SMG6: variants seen among roughly 807,000 people sequenced by gnomAD.
SMG6 encodes telomerase-binding protein EST1A.
A neutral mutation model predicts 142.2 loss-of-function variants in SMG6; 66 were observed. The observed-to-expected ratio is 0.46, with a 90% CI of 0.38 to 0.57. The LOEUF (loss-of-function observed/expected upper bound fraction) is 0.57, where lower values mean the gene tolerates loss of function less well. Ranked by LOEUF, SMG6 falls within the 20% of genes least tolerant of loss-of-function variation. The probability of loss-of-function intolerance (pLI) is 0.00; values close to 1 mark genes in which losing one functional copy is unlikely to be tolerated. For missense variants in SMG6, 1,793 were observed against 1,832.0 expected, an observed-to-expected ratio of 0.98 and a Z score of 0.39; for synonymous variants, 779 against 702.4, an observed-to-expected ratio of 1.11 and a Z score of -1.72.
Position 2,230,220 on chromosome 17 carries a change from AAG to A in SMG6, c.2869+6270_2869+6271del, listed in dbSNP as rs1567701317. ...AAAAAAAAAAAAAAAAAAAAAAAAA[AAG>A]GAAAAGAAAGGAAAAGAAAAGTGTC... is the stretch of plus-strand genomic sequence containing the variant. On this transcript the variant is annotated intron_variant, in intron 10 of 18. Transcript: ENST00000263073. Among the ~76,000 whole-genome samples the A allele has an allele frequency of 3.3e-3, 153 of 46,358 alleles. 42 individuals are homozygous for A. Among genetic ancestry groups the A allele is most frequent in the Non-Finnish European group, 4.5e-3 (105 of 23,358 alleles). 30.4% of individuals were successfully genotyped at this position (46,358 alleles called of 152,430 possible).
chr17:2,100,416 G>T (rs2068974047), intron 13 of SMG6, among the ~76,000 whole-genome samples: 2 of 152,082 alleles, frequency 1.3e-5, no homozygotes, highest in Non-Finnish European at 2.9e-5. Flanking sequence ...CAAGTGATCT[G>T]CCCTCCTTCA....
chr17:2,303,774 G>T lies in SMG6; in HGVS notation c.-54C>A. ...GCTCCGCCACCGCCGCGCGCAGCCA[G>T]GAAACCACCACAGACGGGCGGCGCG... is the stretch of plus-strand genomic sequence containing the variant. On this transcript the variant is annotated 5_prime_UTR_variant, in exon 1 of 19. It adds an upstream start codon to the 5' untranslated region. Coordinates refer to ENST00000263073, the MANE Select transcript of SMG6 (RefSeq NM_017575.5). The T allele has an allele frequency of 7.0e-7, 1 of 1,435,406 alleles. No homozygotes were observed. Among genetic ancestry groups the T allele is most frequent in the Non-Finnish European group, 9.2e-7 (1 of 1,081,478 alleles). 88.9% of individuals were successfully genotyped at this position (1,435,406 alleles called of 1,614,324 possible).
intron 13 of SMG6, among the ~76,000 whole-genome samples, chr17:2,097,420 G>A (rs2068885922): frequency 6.6e-6 from 1 of 152,142 alleles, no homozygotes; most frequent in African/African-American, 2.4e-5. Flanking sequence ...ATAGGCATGA[G>A]TCACCACGTC....
At chr17:2,231,065 G>A (rs1430169055) in intron 10 of SMG6, among the ~76,000 whole-genome samples, 1 of 152,152 alleles carries the variant, frequency 6.6e-6, no homozygotes, top group African/African-American at 2.4e-5. Context: ...TGGATTTCCT[G>A]TACAACTGTT....
rs551733924 is a variant in SMG6 at position 2,278,243 on chromosome 17, C to T, written c.2661+4404G>A. Among the ~76,000 whole-genome samples, 114 of 151,664 alleles carry T rather than the reference C, an allele frequency of 7.5e-4. 1 individual carries two copies. The highest frequency in any genetic ancestry group is 2.6e-3 in the African/African-American group (107 of 41,308). The stretch of plus-strand genomic sequence containing the variant: ...TTTGAGACAAAGTCTCCCTCTGTCG[C>T]CCAGGCTGGAGTGCAATGGTGCAAT... On this transcript the variant is annotated intron_variant, in intron 8 of 18. Coordinates refer to ENST00000263073, the MANE Select transcript of SMG6 (RefSeq NM_017575.5).
intron 13 of SMG6, among the ~76,000 whole-genome samples, chr17:2,126,546 G>A (rs1165907460): frequency 6.6e-6 from 1 of 151,902 alleles, no homozygotes. Flanking sequence ...CCAACATGGT[G>A]AAACCCCATC....
chr17:2,274,336 G>C (rs2074602611), intron 8 of SMG6, among the ~76,000 whole-genome samples: 1 of 152,164 alleles, frequency 6.6e-6, no homozygotes, highest in African/African-American at 2.4e-5. Context: ...GTAAACTTTA[G>C]TCTACTTAAG....
chr17:2,091,854 G>T (rs367878783), intron 13 of SMG6, among the ~76,000 whole-genome samples: 15 of 116,688 alleles, frequency 1.3e-4, no homozygotes, highest in Admixed American at 8.3e-4. Context: ...GTGTGTGTGT[G>T]TTTTTTTTTA....
At chr17:2,293,073 G>T (rs560700909) in intron 4 of SMG6, 96 bp from the exon 5 acceptor site, 52 of 860,814 alleles carry the variant, frequency 6.0e-5, no homozygotes, top group Non-Finnish European at 8.1e-5. Context: ...TGTAGCACTC[G>T]TAAGGCACTA....
At chr17:2,248,645 T>C (rs1278732917) in intron 8 of SMG6, among the ~76,000 whole-genome samples, 2 of 152,138 alleles carry the variant, frequency 1.3e-5, no homozygotes, top group Non-Finnish European at 2.9e-5. Context: ...ATACACACAC[T>C]CTCCCTAACC....
At chr17:2,284,444 AAAG>A (rs1177213172) in intron 6 of SMG6, among the ~76,000 whole-genome samples, 1 of 152,224 alleles carries the variant, frequency 6.6e-6, no homozygotes, top group African/African-American at 2.4e-5. Context: ...TTAATAGGGA[AAAG>A]AAGAAGTAAA....
At chr17:2,128,882 A>G (rs1220796449) in intron 13 of SMG6, among the ~76,000 whole-genome samples, 3 of 151,854 alleles carry the variant, frequency 2.0e-5, no homozygotes, top group Admixed American at 6.6e-5. Flanking sequence ...AAAGACAGAA[A>G]AAGAAAGAAA....
chr17:2,235,385 C>T (rs1262572220), intron 10 of SMG6, among the ~76,000 whole-genome samples: 5 of 152,132 alleles, frequency 3.3e-5, no homozygotes, highest in African/African-American at 4.8e-5. Flanking sequence ...CAGAAAGATC[C>T]GCATTTCCAT....
intron 8 of SMG6, among the ~76,000 whole-genome samples, chr17:2,249,107 A>G (rs981515409): frequency 6.6e-6 from 1 of 150,948 alleles, no homozygotes; most frequent in Admixed American, 6.6e-5. Context: ...GTTAGCCAGG[A>G]TGGTCTCAAT....
intron 10 of SMG6, among the ~76,000 whole-genome samples, chr17:2,219,682 G>C (rs2151764496): frequency 6.6e-6 from 1 of 151,980 alleles, no homozygotes; most frequent in African/African-American, 2.4e-5. Flanking sequence ...CCATCTACCT[G>C]GGAGGCTGAG....
In SMG6 at chr17:2,155,777, G is replaced by A. The variant is rs181910219; in HGVS notation, c.3357+16881C>T. ...TGTAAGCATATGCACACATACAAAT[G>A]CAGAGAAAAGGTCTTTTCATTTAAA... On this transcript the variant is annotated intron_variant, in intron 13 of 18. Transcript: ENST00000263073. Among the ~76,000 whole-genome samples, 82 of 152,324 alleles carry A rather than the reference G, an allele frequency of 5.4e-4. 1 individual carries two copies. Among genetic ancestry groups the A allele is most frequent in the Middle Eastern group, 6.8e-3 (2 of 294 alleles).
At chr17:2,199,111 A>G (rs564641275) in intron 10 of SMG6, among the ~76,000 whole-genome samples, 1 of 152,320 alleles carries the variant, frequency 6.6e-6, no homozygotes, top group South Asian at 2.1e-4. Context: ...GAGAAAGTGA[A>G]GAAAGATGAC....
rs758075530 is a variant in SMG6, at chr17:2,068,955, A to T, written c.3682-24T>A. 3.1e-6 allele frequency: 5 copies of T among 1,610,522 alleles called. No individual in the cohort carries two copies. The highest frequency in any genetic ancestry group is 4.2e-6 in the Non-Finnish European group (5 of 1,177,398). On this transcript the variant is annotated intron_variant, in intron 15 of 18. Transcript: ENST00000263073. The surrounding 1 kb of genome is among the most constrained non-coding windows in gnomAD (Gnocchi z 6.7). ...GCCTATGGGGACAGAGTGGTGAATGAGCCAGACAGCGAGCAGGCAAGCAGG... is the reference window on the plus strand; with the variant it reads ...GCCTATGGGGACAGAGTGGTGAATGTGCCAGACAGCGAGCAGGCAAGCAGG...
chr17:2,204,487 C>T (rs114453075), intron 10 of SMG6, among the ~76,000 whole-genome samples: 148 of 152,274 alleles, frequency 9.7e-4, no homozygotes, highest in African/African-American at 3.4e-3. Flanking sequence ...TGACTTCATC[C>T]AACCCCACCC....
Sources: allele counts gnomAD v4.1 joint callset (sites outside exome capture counted in the v4.1 genomes callset), GRCh38; gene constraint gnomAD v4.1.1; non-coding constraint Gnocchi (gnomAD v3.1); transcripts MANE v1.5; gene names NCBI Gene and HGNC (gene_info 2026-07-23, HGNC 2026-07-21).